PTPRG: variants seen among roughly 807,000 people sequenced by gnomAD.
PTPRG encodes receptor-type tyrosine-protein phosphatase gamma.
A neutral mutation model predicts 165.3 loss-of-function variants in PTPRG; 102 were observed. That is an observed-to-expected ratio of 0.62 (90% CI 0.53 to 0.73). PTPRG has a LOEUF of 0.73. Ranked by LOEUF, PTPRG falls within the 30% of genes least tolerant of loss-of-function variation. PTPRG has a pLI of 0.00. For missense variants in PTPRG, 1,866 were observed against 1,861.4 expected, an observed-to-expected ratio of 1.00 and a Z score of -0.05; for synonymous variants, 675 against 669.5, an observed-to-expected ratio of 1.01 and a Z score of -0.13.
intron 1 of PTPRG, among the ~76,000 whole-genome samples, chr3:61,610,259 T>C (rs781468239): frequency 9.9e-5 from 15 of 152,018 alleles, no homozygotes; most frequent in Non-Finnish European, 1.9e-4. Context: ...CCTGGCGCAG[T>C]CTAAGTGCTG....
chr3:62,160,601 G>T (rs1704717827), intron 7 of PTPRG, among the ~76,000 whole-genome samples: 1 of 152,266 alleles, frequency 6.6e-6, no homozygotes. Context: ...TTCATGATCA[G>T]TCATAGAAGA....
intron 1 of PTPRG, chr3:61,742,314 G>T: frequency 1.7e-6 from 1 of 584,414 alleles, no homozygotes; most frequent in Non-Finnish European, 2.9e-6. Flanking sequence ...ATTAAATGAG[G>T]CACGTAGGAA....
intron 1 of PTPRG, among the ~76,000 whole-genome samples, chr3:61,697,209 A>G (rs2030654724): frequency 6.6e-6 from 1 of 152,152 alleles, no homozygotes; most frequent in Admixed American, 6.5e-5. Flanking sequence ...CTACCCTGAG[A>G]AAAGAGGCAT....
intron 1 of PTPRG, among the ~76,000 whole-genome samples, chr3:61,599,354 G>T (rs1325167204): frequency 6.6e-6 from 1 of 152,060 alleles, no homozygotes; most frequent in Non-Finnish European, 1.5e-5. Flanking sequence ...CACAATGTTG[G>T]CCAGACTGGT....
chr3:62,229,881 A>C lies in PTPRG; in HGVS notation c.2289-1344A>C, dbSNP rs1348633171. On this transcript the variant is annotated intron_variant, in intron 13 of 29. Transcript: ENST00000474889. The surrounding 1 kb of genome is among the most constrained non-coding windows in gnomAD (Gnocchi z 4.6). ...AGCCGGCTCTGCTCCAAAATTCCTG[A>C]AAGAGTGAATCTGGCAGAATTCAGA... 6.6e-6 allele frequency among the ~76,000 whole-genome samples: 1 copy of C among 152,226 alleles called. No homozygotes were observed. The highest frequency in any genetic ancestry group is 2.4e-5 in the African/African-American group (1 of 41,472).
intron 5 of PTPRG, among the ~76,000 whole-genome samples, chr3:62,110,746 G>A (rs982578708): frequency 5.9e-5 from 9 of 152,142 alleles, no homozygotes; most frequent in African/African-American, 1.9e-4. Context: ...GAGCATGAGC[G>A]TTCATTTGTC....
At chr3:61,882,963 C>A (rs2037927142) in intron 2 of PTPRG, among the ~76,000 whole-genome samples, 2 of 152,086 alleles carry the variant, frequency 1.3e-5, no homozygotes, top group Admixed American at 6.6e-5. Context: ...TAATGGTTAC[C>A]CCAGTGCCAC....
intron 14 of PTPRG, among the ~76,000 whole-genome samples, chr3:62,234,233 C>G (rs955354033): frequency 1.3e-5 from 2 of 152,210 alleles, no homozygotes; most frequent in Non-Finnish European, 2.9e-5. Context: ...AACCTATCCT[C>G]TGTGGCTGTC....
chr3:61,654,421 G>C (rs1388581714), intron 1 of PTPRG, among the ~76,000 whole-genome samples: 1 of 151,884 alleles, frequency 6.6e-6, no homozygotes, highest in Non-Finnish European at 1.5e-5. Context: ...GTCTCACTCT[G>C]TCCCCCAGGC....
chr3:62,002,792 T>C (rs1157997649), intron 3 of PTPRG, among the ~76,000 whole-genome samples: 2 of 152,238 alleles, frequency 1.3e-5, no homozygotes, highest in Non-Finnish European at 2.9e-5. Flanking sequence ...GGTACTGTTA[T>C]TAAATACAGA....
At position 62,255,364 on chromosome 3, in the gene PTPRG, C is replaced by G; in HGVS notation, c.2559+149C>G. 1 of 609,282 alleles carries G rather than the reference C, an allele frequency of 1.6e-6. No homozygotes were observed. Among genetic ancestry groups the G allele is most frequent in the Non-Finnish European group, 2.8e-6 (1 of 359,472 alleles). 37.7% of individuals were successfully genotyped at this position (609,282 alleles called of 1,614,324 possible). On this transcript the variant is annotated intron_variant, in intron 16 of 29. Transcript: ENST00000474889. This position sits in a 1 kb window ranked among gnomAD's most constrained non-coding sequence, Gnocchi z 4.0. Reference sequence around the variant, plus strand: ...TCTTTTCATCTATTATTTTAATAGGCATTCTTTTCCAAATAAAATTTAGGT... The same window carrying G: ...TCTTTTCATCTATTATTTTAATAGGGATTCTTTTCCAAATAAAATTTAGGT...
chr3:62,138,929 A>G (rs114574498), intron 6 of PTPRG, among the ~76,000 whole-genome samples: 2,466 of 152,252 alleles, frequency 0.016, 45 homozygotes, highest in Non-Finnish European at 0.02. Flanking sequence ...GTACATACAC[A>G]TATACTGTGA....
At chr3:62,181,028 A>G (rs1705624993) in intron 8 of PTPRG, among the ~76,000 whole-genome samples, 1 of 152,210 alleles carries the variant, frequency 6.6e-6, no homozygotes, top group Non-Finnish European at 1.5e-5. Flanking sequence ...CAGAGCATCT[A>G]ATACTCATTT....
intron 2 of PTPRG, among the ~76,000 whole-genome samples, chr3:61,874,520 T>TA (rs1432096499): frequency 2.0e-5 from 3 of 152,120 alleles, no homozygotes; most frequent in African/African-American, 7.2e-5. Context: ...TCTTCCTTTT[T>TA]TTTTTCTACA....
chr3:61,604,103 C>T (rs1010632622), intron 1 of PTPRG, among the ~76,000 whole-genome samples: 3 of 152,174 alleles, frequency 2.0e-5, no homozygotes, highest in African/African-American at 2.4e-5. Flanking sequence ...GGTGGCAGAT[C>T]GCTTGAGGCT....
At chr3:62,049,041 CT>C (rs1700385446) in intron 4 of PTPRG, among the ~76,000 whole-genome samples, 1 of 151,908 alleles carries the variant, frequency 6.6e-6, no homozygotes, top group Non-Finnish European at 1.5e-5. Context: ...GAAGAAATGA[CT>C]TTGACACAAC....
chr3:61,629,001 C>T (rs182748048), intron 1 of PTPRG, among the ~76,000 whole-genome samples: 29 of 152,180 alleles, frequency 1.9e-4, no homozygotes, highest in African/African-American at 6.7e-4. Flanking sequence ...TTCAGTGAAA[C>T]GTCTGCCATG....
chr3:61,792,712 CTT>C (rs1340975424), intron 2 of PTPRG, among the ~76,000 whole-genome samples: 1 of 116,926 alleles, frequency 8.6e-6, no homozygotes, highest in African/African-American at 4.2e-5. Context: ...TTCTTTCTTT[CTT>C]TCTTTCTTTC....
chr3:61,747,389 G>A (rs533642670), intron 1 of PTPRG, among the ~76,000 whole-genome samples: 2 of 152,286 alleles, frequency 1.3e-5, no homozygotes, highest in South Asian at 4.1e-4. Context: ...TGGATGGAAG[G>A]CACCTAAACC....
Sources: gnomAD v4.1 joint callset for allele counts (sites outside exome capture counted in the v4.1 genomes callset) on GRCh38, gnomAD v4.1.1 for gene constraint, Gnocchi (gnomAD v3.1) non-coding constraint, MANE v1.5 for transcripts, NCBI Gene and HGNC (gene_info 2026-07-23, HGNC 2026-07-21) for gene names.